Variants in LTBP2 observed in about 807,000 individuals in gnomAD.
LTBP2 encodes the protein latent transforming growth factor beta binding protein 2.
Under a neutral mutation model 210.6 loss-of-function variants are expected in LTBP2, and 103 were observed. The ratio of observed to expected loss-of-function variants is 0.49; its 90% CI spans 0.42 to 0.58. LTBP2 has a LOEUF of 0.58. Among genes scored for constraint, LTBP2 ranks in the 20% least tolerant of loss-of-function variants. The pLI, the probability that LTBP2 is intolerant of heterozygous loss-of-function variation, is 0.00. For synonymous variants in LTBP2, 1,007 were observed against 1,015.0 expected (o/e 0.99, Z 0.15); for missense variants, 2,313 against 2,494.5 (o/e 0.93, Z 1.55).
In LTBP2 at chr14:74,535,975, C is replaced by T. The variant is rs2087415954; in HGVS notation, c.1815G>A (p.Gln605=). ...TCTTGTACCCCTGAGGACACTCCAG[C>T]TGGCCATTCTCAATCACCGGGGAGG... is the stretch of plus-strand genomic sequence containing the variant. ...RPASPVIENG[Q]LECPQGYKRL... The change falls in exon 9 of 36, where the codon CAG becomes CAA. Residue 605 remains glutamine (Q), a synonymous_variant. Coordinates refer to ENST00000261978, the MANE Select transcript of LTBP2 (RefSeq NM_000428.3). 1.2e-6 allele frequency: 2 copies of T among 1,614,186 alleles called. No individual in the cohort carries two copies. Among genetic ancestry groups the T allele is most frequent in the East Asian group, 2.2e-5 (1 of 44,886 alleles).
In LTBP2 at chr14:74,526,090, G is replaced by A. The variant is rs2087269273; in HGVS notation, c.2413C>T (p.Pro805Ser). 1.9e-6 allele frequency: 3 copies of A among 1,605,900 alleles called. No individual in the cohort carries two copies. The highest frequency in any genetic ancestry group is 1.1e-5 in the South Asian group (1 of 89,384). The change falls in exon 14 of 36, where the codon CCT becomes TCT. Residue 805 changes from proline (P) to serine (S), a missense_variant. Physicochemically the swap from Pro to Ser is moderately conservative, Grantham distance 74. Around this residue, in one of 3 missense-constraint regions of LTBP2, gnomAD observed 1,867 missense variants for 1,976.9 expected, o/e 0.94. Transcript: ENST00000261978. ...AGGGACTCACCTGTGACCCAGGCAG[G>A]TGCATGAGTGACACTGGTCGTGACC... ...GQVTTSVTHA[P>S]AWVTGNATTP...
rs543483761 is a variant in LTBP2 at position 74,586,222 on chromosome 14, G to A, written c.566-104C>T. On this transcript the variant is annotated intron_variant, in intron 2 of 35. Transcript: ENST00000261978. This position sits in a 1 kb window ranked among gnomAD's most constrained non-coding sequence, Gnocchi z 4.6. ...GGGCCCTCCTGAGTGCTGCAACCCT[G>A]TCGCTCAAGCAGGAAGCCACTCTCC... is the stretch of plus-strand genomic sequence containing the variant. 151 of 1,336,330 alleles carry A rather than the reference G, an allele frequency of 1.1e-4. 3 individuals carry two copies. The South Asian group carries it at 2.0e-3, about 18-fold the overall frequency. The allele number at this position is 1,336,330 out of a possible 1,614,324, so 82.8% of individuals were successfully genotyped here.
chr14:74,506,563 C>G, intron 27 of LTBP2, 135 bp downstream of exon 27: 1 of 1,416,830 alleles, frequency 7.1e-7, no homozygotes, highest in Non-Finnish European at 9.8e-7. Context: ...TGAAGTCTCC[C>G]TCTTCTTTGA....
intron 3 of LTBP2, among the ~76,000 whole-genome samples, chr14:74,573,688 T>C (rs1316423536): frequency 6.6e-6 from 1 of 152,222 alleles, no homozygotes; most frequent in African/African-American, 2.4e-5. Context: ...TTGTTTTCTC[T>C]TGACTCTGCC....
chr14:74,595,693 G>A (rs983918163), intron 2 of LTBP2, among the ~76,000 whole-genome samples: 1 of 152,228 alleles, frequency 6.6e-6, no homozygotes, highest in Non-Finnish European at 1.5e-5. Context: ...ATGAAGGACA[G>A]TTTGGCCCTG....
intron 18 of LTBP2, among the ~76,000 whole-genome samples, chr14:74,514,000 G>A (rs538398210): frequency 4.9e-4 from 74 of 152,272 alleles, no homozygotes; most frequent in Non-Finnish European, 5.3e-4. Context: ...TTCTCCACCC[G>A]AGCCAGGGAA....
At chr14:74,584,175 A>G (rs905933092) in intron 3 of LTBP2, among the ~76,000 whole-genome samples, 1 of 152,152 alleles carries the variant, frequency 6.6e-6, no homozygotes, top group African/African-American at 2.4e-5. Flanking sequence ...GATGCATGCC[A>G]GAGAGTAAGT....
intron 8 of LTBP2, among the ~76,000 whole-genome samples, chr14:74,540,823 T>TATATATATATATA (rs1222994895): frequency 3.7e-4 from 3 of 8,008 alleles, no homozygotes; most frequent in African/African-American, 4.5e-4. Context: ...TATATATATT[T>TATATATATATATA]TTATATAATA....
chr14:74,516,976 A>G (rs1203801204), intron 17 of LTBP2, 35 bp from the exon 18 acceptor site: 1 of 1,548,606 alleles, frequency 6.5e-7, no homozygotes, highest in East Asian at 2.4e-5. Context: ...AGTCACAGCC[A>G]GCCCTGGAGG....
Position 74,549,908 on chromosome 14 carries a change from C to T in LTBP2, c.1744G>A (p.Ala582Thr). ...GCACACAAAGTCACCCCCCAGAAGG[C>T]TCCCACACTGCCACAGCAGTCCTCC... ...TQEDCCGSVG[A>T]FWGVTLCAPC... is the part of the protein sequence containing the mutation. The change falls in exon 8 of 36, where the codon GCC becomes ACC. Residue 582 changes from alanine to threonine, a missense_variant. Ala to Thr is a moderately conservative substitution (Grantham distance 58). This residue lies in a region of LTBP2 where 1,867 missense variants were observed against 1,976.9 expected (regional missense o/e 0.94). Coordinates refer to ENST00000261978, the MANE Select transcript of LTBP2 (RefSeq NM_000428.3). 1 of 1,614,206 alleles carries T rather than the reference C, an allele frequency of 6.2e-7. No homozygotes were observed.
chr14:74,547,013 A>C (rs905869367), intron 8 of LTBP2, among the ~76,000 whole-genome samples: 1 of 152,250 alleles, frequency 6.6e-6, no homozygotes, highest in Non-Finnish European at 1.5e-5. Context: ...CAGGCCTAGA[A>C]TCCTCCATTG....
In LTBP2 at chr14:74,525,239, A is replaced by T; in HGVS notation, c.2429-14T>A. On this transcript the variant is annotated splice_polypyrimidine_tract_variant and intron_variant, in intron 14 of 35. Coordinates refer to ENST00000261978, the MANE Select transcript of LTBP2 (RefSeq NM_000428.3). ...TTGTGGCATTCCCTGTGGAGGAGAG[A>T]GGGGAAGAGGTGGGGTTGTGGCCCC... 7.7e-7 allele frequency: 1 copy of T among 1,302,926 alleles called. No homozygotes were observed. Among genetic ancestry groups the T allele is most frequent in the Non-Finnish European group, 9.9e-7 (1 of 1,009,954 alleles). The allele number at this position is 1,302,926 out of a possible 1,614,324, so 80.7% of individuals were successfully genotyped here.
chr14:74,502,089 C>T, intron 34 of LTBP2: 1 of 282,000 alleles, frequency 3.5e-6, no homozygotes, highest in Non-Finnish European at 6.9e-6. Flanking sequence ...GAAAAGGCCA[C>T]ACCCTACCCA....
intron 10 of LTBP2, among the ~76,000 whole-genome samples, chr14:74,531,159 C>T (rs959387544): frequency 3.3e-5 from 5 of 152,006 alleles, no homozygotes; most frequent in Non-Finnish European, 7.4e-5. Flanking sequence ...CCTGGTCAGG[C>T]GGCAGGGAGG....
intron 19 of LTBP2, 108 bp downstream of exon 19, chr14:74,511,137 C>G (rs925156339): frequency 3.2e-6 from 5 of 1,560,370 alleles, no homozygotes; most frequent in Non-Finnish European, 4.4e-6. Context: ...AGGACAACAG[C>G]CTCCAAGCCA....
At chr14:74,536,739 A>G (rs1301541332) in intron 8 of LTBP2, among the ~76,000 whole-genome samples, 1 of 152,160 alleles carries the variant, frequency 6.6e-6, no homozygotes, top group Non-Finnish European at 1.5e-5. Flanking sequence ...CCAGCTACTC[A>G]GGAGGCTGAG....
At chr14:74,531,144 C>G (rs2087344789) in intron 10 of LTBP2, among the ~76,000 whole-genome samples, 1 of 152,164 alleles carries the variant, frequency 6.6e-6, no homozygotes, top group Non-Finnish European at 1.5e-5. Context: ...GACTGCCCCA[C>G]TGGACCTGGT....
rs776242736 is a variant in LTBP2, at chr14:74,522,829, G to A, written c.2620C>T (p.Pro874Ser). ...LPDGYRCVCSPGYQLHPSQAY... is the reference protein window; with the variant it reads ...LPDGYRCVCSSGYQLHPSQAY... ...TGGCTGGGGTGCAGCTGGTAGCCAG[G>A]GCTGCAGACACATCTGTATCCATCG... Residue 874 changes from proline (P) to serine (S), a missense_variant, in exon 16 of 36, where the codon CCT (proline) becomes TCT (serine). This residue lies in a region of LTBP2 where 1,867 missense variants were observed against 1,976.9 expected (regional missense o/e 0.94). Transcript: ENST00000261978. 1.2e-6 allele frequency: 2 copies of A among 1,612,240 alleles called. No individual in the cohort carries two copies. Among genetic ancestry groups the A allele is most frequent in the Non-Finnish European group, 8.5e-7 (1 of 1,179,348 alleles).
chr14:74,590,869 A>G (rs1566651904), intron 2 of LTBP2, among the ~76,000 whole-genome samples: 1 of 151,208 alleles, frequency 6.6e-6, no homozygotes. Context: ...GGGTTGCGGA[A>G]AAAAAACTAC....
Sources: allele counts gnomAD v4.1 joint callset (sites outside exome capture counted in the v4.1 genomes callset), GRCh38; gene constraint gnomAD v4.1.1; regional missense constraint gnomAD v4.1.1; non-coding constraint Gnocchi (gnomAD v3.1); transcripts MANE v1.5; gene names NCBI Gene and HGNC (gene_info 2026-07-23, HGNC 2026-07-21).